ATF2: variants seen among roughly 807,000 people sequenced by gnomAD.
The protein encoded by ATF2 is activating transcription factor 2.
A neutral mutation model predicts 60.6 loss-of-function variants in ATF2; 24 were observed. That is an observed-to-expected ratio of 0.40 (90% CI 0.29 to 0.56). ATF2 has a LOEUF of 0.56. Ranked by LOEUF, ATF2 falls within the 20% of genes least tolerant of loss-of-function variation. ATF2 has a pLI of 0.54. For synonymous variants in ATF2, 206 were observed against 215.4 expected (o/e 0.96, Z 0.38); for missense variants, 433 against 607.7 (o/e 0.71, Z 3.02).
intron 2 of ATF2, among the ~76,000 whole-genome samples, chr2:175,146,526 G>A (rs571849543): frequency 1.0e-3 from 156 of 152,316 alleles, no homozygotes; most frequent in Admixed American, 2.4e-3. Context: ...TAAGTTGTAT[G>A]TAAATAATAT....
chr2:175,155,829 G>A (rs1016634524), intron 1 of ATF2, among the ~76,000 whole-genome samples: 2 of 152,038 alleles, frequency 1.3e-5, no homozygotes, highest in African/African-American at 4.8e-5. Flanking sequence ...TGATATTTAG[G>A]TACTTATAAA....
At chr2:175,158,499 T>C (rs1699824328) in intron 1 of ATF2, among the ~76,000 whole-genome samples, 1 of 152,070 alleles carries the variant, frequency 6.6e-6, no homozygotes, top group Non-Finnish European at 1.5e-5. Flanking sequence ...TTAAAATGGA[T>C]AACTTAAAAT....
At chr2:175,099,478 T>C (rs967848878) in intron 10 of ATF2, among the ~76,000 whole-genome samples, 9 of 152,176 alleles carry the variant, frequency 5.9e-5, no homozygotes, top group Non-Finnish European at 1.2e-4. Flanking sequence ...TTTACCACAA[T>C]AAAATCCTCA....
chr2:175,083,114 A>C (rs1265178730), intron 12 of ATF2, among the ~76,000 whole-genome samples: 2 of 151,866 alleles, frequency 1.3e-5, no homozygotes, highest in African/African-American at 4.8e-5. Context: ...TCAAGCTACC[A>C]ATGACTTTCT....
intron 10 of ATF2, among the ~76,000 whole-genome samples, chr2:175,099,352 C>G (rs1695160518): frequency 6.6e-6 from 1 of 152,128 alleles, no homozygotes; most frequent in African/African-American, 2.4e-5. Context: ...GATCCACCCT[C>G]CTCGGCTCCT....
chr2:175,119,313 A>T (rs921877731), intron 5 of ATF2, among the ~76,000 whole-genome samples: 1 of 151,634 alleles, frequency 6.6e-6, no homozygotes, highest in Non-Finnish European at 1.5e-5. Flanking sequence ...AGGCTATAGC[A>T]GGGATCTAGC....
At chr2:175,107,629 T>G (rs916609087) in intron 10 of ATF2, among the ~76,000 whole-genome samples, 2 of 152,228 alleles carry the variant, frequency 1.3e-5, no homozygotes, top group Admixed American at 6.5e-5. Flanking sequence ...AAAGCTGGAC[T>G]GTGCTGCCGC....
chr2:175,139,442 C>T (rs1008834426), intron 2 of ATF2, among the ~76,000 whole-genome samples: 1 of 151,890 alleles, frequency 6.6e-6, no homozygotes, highest in Non-Finnish European at 1.5e-5. Flanking sequence ...GAGGCCGAGG[C>T]GGGCAAATCA....
At chr2:175,113,536 T>A (rs1278219045) in intron 9 of ATF2, among the ~76,000 whole-genome samples, 1 of 152,164 alleles carries the variant, frequency 6.6e-6, no homozygotes, top group Non-Finnish European at 1.5e-5. Flanking sequence ...ACAGGGAAAG[T>A]GAAAGATTAT....
chr2:175,099,702 T>C (rs1374015887), intron 10 of ATF2, among the ~76,000 whole-genome samples: 1 of 152,236 alleles, frequency 6.6e-6, no homozygotes, highest in African/African-American at 2.4e-5. Context: ...AGTTTTTAAT[T>C]GTATAGTATC....
At chr2:175,126,944 A>T (rs555729236) in intron 4 of ATF2, 1 of 152,360 alleles carries the variant, frequency 6.6e-6, no homozygotes, top group African/African-American at 2.4e-5. Context: ...TCCAAAAAGT[A>T]AAGTGGGTCA....
intron 2 of ATF2, among the ~76,000 whole-genome samples, chr2:175,144,252 GT>G (rs1698797674): frequency 6.6e-6 from 1 of 152,274 alleles, no homozygotes; most frequent in Non-Finnish European, 1.5e-5. Context: ...GGAGACTGAG[GT>G]CTGAAAGGGT....
intron 13 of ATF2, 84 bp from the exon 14 acceptor site, chr2:175,074,919 A>C (rs1559040691): frequency 1.3e-6 from 2 of 1,561,360 alleles, no homozygotes; most frequent in Admixed American, 3.7e-5. Flanking sequence ...CAGAGTAAAA[A>C]GTTAGAAAGT....
chr2:175,112,818 T>C (rs927667913), intron 9 of ATF2, among the ~76,000 whole-genome samples: 4 of 152,148 alleles, frequency 2.6e-5, no homozygotes, highest in Non-Finnish European at 5.9e-5. Flanking sequence ...CTCCTGGACT[T>C]AGGCAAGCCA....
intron 10 of ATF2, among the ~76,000 whole-genome samples, chr2:175,100,378 A>G (rs1695228318): frequency 6.6e-6 from 1 of 152,160 alleles, no homozygotes; most frequent in Non-Finnish European, 1.5e-5. Flanking sequence ...GATAGTTCCT[A>G]TGTTTCTGAA....
In ATF2 at chr2:175,118,377, A is replaced by G. The variant is rs1696728398; in HGVS notation, c.200-8T>C. 1 of 1,593,912 alleles carries G rather than the reference A, an allele frequency of 6.3e-7. No individual in the cohort carries two copies. Among genetic ancestry groups the G allele is most frequent in the Non-Finnish European group, 8.6e-7 (1 of 1,167,210 alleles). On this transcript the variant is annotated splice_polypyrimidine_tract_variant and splice_region_variant and intron_variant, in intron 5 of 13. Coordinates refer to ENST00000264110, the MANE Select transcript of ATF2 (RefSeq NM_001880.4). ...TTGGTGTTGGGGTCTGATCTGAAAT[A>G]AATGTCAAGAAGTAATCATGCATAT... is the stretch of plus-strand genomic sequence containing the variant.
At chr2:175,135,967 G>A (rs1177668447) in intron 3 of ATF2, among the ~76,000 whole-genome samples, 4 of 151,290 alleles carry the variant, frequency 2.6e-5, no homozygotes, top group African/African-American at 9.7e-5. Flanking sequence ...AAAAGGTGTG[G>A]CCAAACAAAT....
rs112385306 is a variant in ATF2, at chr2:175,127,549, C to T, written c.102+2589G>A. Among the ~76,000 whole-genome samples, 295 of 152,238 alleles carry T rather than the reference C, an allele frequency of 1.9e-3. 1 individual carries two copies. Among genetic ancestry groups the T allele is most frequent in the African/African-American group, 6.9e-3 (285 of 41,538 alleles). On this transcript the variant is annotated intron_variant, in intron 4 of 13. Coordinates refer to ENST00000264110, the MANE Select transcript of ATF2 (RefSeq NM_001880.4). The stretch of plus-strand genomic sequence containing the variant: ...GCTTTTCACTGCTCAGTGAATAAAA[C>T]CCAAACACCTTATCATAGGATATGT...
intron 12 of ATF2, chr2:175,092,682 C>A: frequency 5.1e-6 from 2 of 394,564 alleles, no homozygotes; most frequent in Non-Finnish European, 9.9e-6. Flanking sequence ...AAAATAAAAA[C>A]TGCTACTGAA....
Sources: allele counts gnomAD v4.1 joint callset (sites outside exome capture counted in the v4.1 genomes callset), GRCh38; gene constraint gnomAD v4.1.1; transcripts MANE v1.5; gene names NCBI Gene and HGNC (gene_info 2026-07-23, HGNC 2026-07-21).